The following MCTP2 variants were observed in gnomAD, a reference collection of about 807,000 sequenced individuals.
The protein encoded by MCTP2 is multiple C2 and transmembrane domain-containing protein 2.
A neutral mutation model predicts 111.6 loss-of-function variants in MCTP2; 132 were observed. The observed-to-expected ratio is 1.18, with a 90% CI of 1.03 to 1.37. The LOEUF is 1.37. Among genes scored for constraint, MCTP2 ranks in the 40% most tolerant of loss-of-function variants. The pLI is 0.00. For missense variants in MCTP2, 1,183 were observed against 1,067.9 expected (o/e 1.11, Z -1.50); for synonymous variants, 395 against 387.7 (o/e 1.02, Z -0.22).
At chr15:94,407,456 G>A (rs923761948) in intron 17 of MCTP2, among the ~76,000 whole-genome samples, 18 of 152,186 alleles carry the variant, frequency 1.2e-4, no homozygotes, top group Non-Finnish European at 2.9e-5. Context: ...ATATCAACGA[G>A]TATCTTCATA....
intron 12 of MCTP2, among the ~76,000 whole-genome samples, chr15:94,373,733 G>T (rs11636765): frequency 0.13 from 20,405 of 152,156 alleles, 1,551 homozygotes; most frequent in Middle Eastern, 0.19. Flanking sequence ...CGTTAGACGT[G>T]GATAGCCATA....
chr15:94,247,540 G>A (rs1202430846), intron 1 of MCTP2, among the ~76,000 whole-genome samples: 1 of 152,016 alleles, frequency 6.6e-6, no homozygotes, highest in Non-Finnish European at 1.5e-5. Context: ...TGGTGATTTT[G>A]TAGAGATGTT....
chr15:94,465,888 T>G (rs1555481879), intron 20 of MCTP2, among the ~76,000 whole-genome samples: 1 of 152,146 alleles, frequency 6.6e-6, no homozygotes, highest in Non-Finnish European at 1.5e-5. Context: ...TTGTCACTTT[T>G]AATGTCTTCC....
At position 94,340,894 on chromosome 15, in the gene MCTP2, A is replaced by T; in HGVS notation, c.939A>T (p.Leu313=). 1 of 1,611,398 alleles carries T rather than the reference A, an allele frequency of 6.2e-7. No homozygotes were observed. Among genetic ancestry groups the T allele is most frequent in the South Asian group, 1.1e-5 (1 of 91,020 alleles). ...DMGVIVLNLN[L]VVKQGDFKRH... ...GAGTGATCGTGTTAAATTTGAACCT[A>T]GTGGTAAAACAGGGTGATTTCAAGA... The change falls in exon 7 of 23, where the codon CTA becomes CTT. Residue 313 remains leucine (L), a synonymous_variant. Transcript: ENST00000357742.
At chr15:94,276,947 C>CA (rs71132999) in intron 1 of MCTP2, among the ~76,000 whole-genome samples, 6,955 of 118,676 alleles carry the variant, frequency 0.059, 547 homozygotes, top group African/African-American at 0.17. Context: ...GTTGGAAGCC[C>CA]AAAAAAAAAA....
At chr15:94,356,658 G>A (rs80116939) in intron 9 of MCTP2, among the ~76,000 whole-genome samples, 1,557 of 152,226 alleles carry the variant, frequency 0.01, 13 homozygotes, top group Middle Eastern at 0.034. Flanking sequence ...AGCATAATAC[G>A]TGATATTTGG....
chr15:94,240,670 G>C (rs1427538752), intron 1 of MCTP2, among the ~76,000 whole-genome samples: 1 of 152,094 alleles, frequency 6.6e-6, no homozygotes, highest in Non-Finnish European at 1.5e-5. Flanking sequence ...TCATTTAAGA[G>C]CAATTTCCTG....
intron 1 of MCTP2, among the ~76,000 whole-genome samples, chr15:94,233,110 A>G (rs1464701401): frequency 6.6e-6 from 1 of 152,138 alleles, no homozygotes; most frequent in East Asian, 1.9e-4. Flanking sequence ...CAGATTTAAT[A>G]TAAGAATTCA....
chr15:94,457,701 G>C (rs1380475975), intron 19 of MCTP2, among the ~76,000 whole-genome samples: 1 of 152,168 alleles, frequency 6.6e-6, no homozygotes, highest in African/African-American at 2.4e-5. Context: ...CCAGTACTAG[G>C]AATCATACTA....
chr15:94,300,176 A>AC lies in MCTP2; in HGVS notation c.465+1446_465+1447insC, dbSNP rs1416201340. Among the ~76,000 whole-genome samples the AC allele has an allele frequency of 2.0e-5, 3 of 152,146 alleles. No individual in the cohort carries two copies. The East Asian group carries it at 5.8e-4, about 29-fold the overall frequency. ...TACTAACATTTTCATACTCAGAAGG[A>AC]ATTTTTTTGAAGCGACTGCTGTTAA... On this transcript the variant is annotated intron_variant, in intron 2 of 22. Transcript: ENST00000357742.
At position 94,344,762 on chromosome 15, in the gene MCTP2, A is replaced by G. The variant is rs368161648; in HGVS notation, c.970-367A>G. Among the ~76,000 whole-genome samples, 10 of 152,348 alleles carry G rather than the reference A, an allele frequency of 6.6e-5. No homozygotes were observed. The East Asian group carries it at 1.9e-3, about 29-fold the overall frequency. On this transcript the variant is annotated intron_variant, in intron 7 of 22. Transcript: ENST00000357742. ...ACTATCAGTGGTCATGAATTTCTTA[A>G]ACATTTTTATAATATCTGAGTATTT...
chr15:94,423,703 G>A (rs920643989), intron 17 of MCTP2, among the ~76,000 whole-genome samples: 1 of 152,138 alleles, frequency 6.6e-6, no homozygotes, highest in African/African-American at 2.4e-5. Context: ...TCATATTGGC[G>A]GCTGCCAATG....
chr15:94,433,406 TAAGA>T (rs1194705251), intron 17 of MCTP2, among the ~76,000 whole-genome samples: 1 of 152,076 alleles, frequency 6.6e-6, no homozygotes, highest in Non-Finnish European at 1.5e-5. Context: ...CATGGTAGAG[TAAGA>T]AGTTTCCTTG....
intron 17 of MCTP2, among the ~76,000 whole-genome samples, chr15:94,430,373 C>A (rs1404679858): frequency 7.1e-6 from 1 of 140,572 alleles, no homozygotes; most frequent in Non-Finnish European, 1.5e-5. Flanking sequence ...AAAAAACAAA[C>A]AAAAAAAACC....
intron 17 of MCTP2, chr15:94,403,127 A>C (rs925972631): frequency 7.1e-6 from 7 of 986,048 alleles, no homozygotes; most frequent in Non-Finnish European, 1.2e-6. Flanking sequence ...GCTGTCGTTT[A>C]TTTTAGTTCT....
At chr15:94,265,745 G>T (rs936345779) in intron 1 of MCTP2, among the ~76,000 whole-genome samples, 4 of 151,944 alleles carry the variant, frequency 2.6e-5, no homozygotes, top group African/African-American at 9.7e-5. Context: ...TTTTTAAAAA[G>T]GAAGATAAAA....
chr15:94,299,005 C>G, intron 2 of MCTP2, among the ~76,000 whole-genome samples: 4 of 88,270 alleles, frequency 4.5e-5, no homozygotes, highest in Non-Finnish European at 7.1e-5. Flanking sequence ...CCCTCTCCCT[C>G]TCTCCCTCTC....
intron 17 of MCTP2, chr15:94,402,708 A>T: frequency 6.9e-7 from 1 of 1,450,488 alleles, no homozygotes; most frequent in East Asian, 2.5e-5. Flanking sequence ...TTGTAAAGGG[A>T]CTTGTCCTTG....
chr15:94,372,981 A>G (rs2079566804), intron 12 of MCTP2, among the ~76,000 whole-genome samples: 3 of 152,242 alleles, frequency 2.0e-5, no homozygotes, highest in Admixed American at 1.3e-4. Context: ...CCTAAAGTTC[A>G]GGAATCCTGA....
Sources: allele counts gnomAD v4.1 joint callset (sites outside exome capture counted in the v4.1 genomes callset), GRCh38; gene constraint gnomAD v4.1.1; transcripts MANE v1.5; gene names NCBI Gene and HGNC (gene_info 2026-07-23, HGNC 2026-07-21).